The following IL1RAPL1 variants were observed in gnomAD, a reference collection of about 807,000 sequenced individuals.
The protein encoded by IL1RAPL1 is interleukin 1 receptor accessory protein like 1.
In IL1RAPL1, 3 loss-of-function variants were observed where a neutral mutation model predicts 48.4. That is an observed-to-expected ratio of 0.06 (90% confidence interval 0.03 to 0.16). The LOEUF (loss-of-function observed/expected upper bound fraction) is 0.16, where lower values mean the gene tolerates loss of function less well. Among genes scored for constraint, IL1RAPL1 ranks in the 10% least tolerant of loss-of-function variants. IL1RAPL1 has a pLI of 1.00. For missense variants in IL1RAPL1, 349 were observed against 530.6 expected, an observed-to-expected ratio of 0.66 and a Z score of 3.36; for synonymous variants, 185 against 187.7, an observed-to-expected ratio of 0.99 and a Z score of 0.12.
chrX:28,709,304 G>A (rs1249069434), intron 1 of IL1RAPL1, among the ~76,000 whole-genome samples: 2 of 112,135 alleles, frequency 1.8e-5, no homozygotes, highest in Non-Finnish European at 3.8e-5. Context: ...ATATAATTCA[G>A]TCAATCATCA....
chrX:29,524,903 T>C (rs1481305768), intron 5 of IL1RAPL1, among the ~76,000 whole-genome samples: 1 of 112,329 alleles, frequency 8.9e-6, no homozygotes, highest in Non-Finnish European at 1.9e-5. Flanking sequence ...CAGCTTTGTG[T>C]ACCTTTATAG....
rs781737048 is a variant in IL1RAPL1 at position 29,434,471 on chromosome X, G to A, written c.703+35163G>A. ...TTAGGCTCATTCCAAATATTTTAAC[G>A]TGCTGGTCATGTGAAGTAATACTTC... On this transcript the variant is annotated intron_variant, in intron 5 of 10. Transcript: ENST00000378993. Among the ~76,000 whole-genome samples the A allele has an allele frequency of 7.2e-5, 8 of 110,690 alleles. No homozygotes were observed. The South Asian group carries it at 1.5e-3, about 20-fold the overall frequency.
At chrX:29,276,228 AC>A (rs1409814940) in intron 2 of IL1RAPL1, among the ~76,000 whole-genome samples, 1 of 112,159 alleles carries the variant, frequency 8.9e-6, no homozygotes, top group Non-Finnish European at 1.9e-5. Flanking sequence ...AGCTGGCAAT[AC>A]TTTTTGACCT....
intron 5 of IL1RAPL1, among the ~76,000 whole-genome samples, chrX:29,584,227 C>G (rs762612576): frequency 3.6e-5 from 4 of 111,434 alleles, no homozygotes; most frequent in African/African-American, 1.3e-4. Context: ...TTTCCAAAAG[C>G]CTGCTAAAGG....
intron 6 of IL1RAPL1, among the ~76,000 whole-genome samples, chrX:29,690,187 T>C (rs952527825): frequency 6.3e-5 from 7 of 111,691 alleles, no homozygotes; most frequent in African/African-American, 2.0e-4. Flanking sequence ...AGAAAAAGAA[T>C]GTTGTAAAGA....
intron 2 of IL1RAPL1, among the ~76,000 whole-genome samples, chrX:28,877,861 G>A (rs1318034828): frequency 8.9e-6 from 1 of 111,993 alleles, no homozygotes; most frequent in African/African-American, 3.2e-5. Flanking sequence ...TCATTCTGAT[G>A]TCCATAGTTC....
intron 2 of IL1RAPL1, among the ~76,000 whole-genome samples, chrX:29,254,828 A>G (rs956080324): frequency 8.9e-6 from 1 of 112,079 alleles, no homozygotes; most frequent in Non-Finnish European, 1.9e-5. Flanking sequence ...TCTGAGGAGA[A>G]AGCCTGAAAC....
chrX:29,687,053 C>A (rs1926646555), intron 6 of IL1RAPL1, among the ~76,000 whole-genome samples: 1 of 109,814 alleles, frequency 9.1e-6, no homozygotes, highest in South Asian at 3.9e-4. Flanking sequence ...CTGCTGGTGG[C>A]AATGTAAATT....
chrX:29,714,154 C>T (rs894119666), intron 6 of IL1RAPL1, among the ~76,000 whole-genome samples: 2 of 111,890 alleles, frequency 1.8e-5, no homozygotes, highest in African/African-American at 6.5e-5. Context: ...ATAGGGACTC[C>T]ATTAAGGACA....
chrX:29,876,067 C>A (rs1205950884), intron 6 of IL1RAPL1, among the ~76,000 whole-genome samples: 1 of 110,888 alleles, frequency 9.0e-6, no homozygotes, highest in Non-Finnish European at 1.9e-5. Flanking sequence ...TATTAGTTAC[C>A]TTTCTTGTTT....
intron 3 of IL1RAPL1, among the ~76,000 whole-genome samples, chrX:29,352,180 C>T (rs1933239272): frequency 9.0e-6 from 1 of 111,571 alleles, no homozygotes; most frequent in African/African-American, 3.3e-5. Context: ...TTCATAGTTT[C>T]ACCACAGAGA....
At chrX:29,241,876 A>G (rs1343762738) in intron 2 of IL1RAPL1, among the ~76,000 whole-genome samples, 1 of 111,688 alleles carries the variant, frequency 9.0e-6, no homozygotes, top group Admixed American at 9.5e-5. Context: ...CTGAAACTGC[A>G]CTCCCAGGGG....
chrX:29,685,995 AAG>A (rs1462921427), intron 6 of IL1RAPL1, among the ~76,000 whole-genome samples: 8 of 111,307 alleles, frequency 7.2e-5, no homozygotes, highest in Non-Finnish European at 1.5e-4. Context: ...AAAAAAAAAA[AAG>A]AAAGAAAGAA....
intron 5 of IL1RAPL1, among the ~76,000 whole-genome samples, chrX:29,505,860 A>C (rs1372256719): frequency 9.0e-6 from 1 of 111,637 alleles, no homozygotes; most frequent in African/African-American, 3.3e-5. Context: ...CTTGAACACA[A>C]ATAGTTTTTA....
intron 6 of IL1RAPL1, among the ~76,000 whole-genome samples, chrX:29,701,319 T>C (rs1927041062): frequency 8.9e-6 from 1 of 111,935 alleles, no homozygotes; most frequent in South Asian, 3.7e-4. Flanking sequence ...ATTTAACTTA[T>C]GGGATTGTTG....
rs1164022639 is a variant in IL1RAPL1, at chrX:28,720,643, C to A, written c.-24-68677C>A. On this transcript the variant is annotated intron_variant, in intron 1 of 10. Transcript: ENST00000378993. ...TACTTTAAGTTCTAGGGTACATATG[C>A]ACAACGTGCAGGTTTGTTACATATG... Among the ~76,000 whole-genome samples, 3 of 111,698 alleles carry A rather than the reference C, an allele frequency of 2.7e-5. No homozygotes were observed. In the East Asian group the frequency reaches 8.4e-4, roughly 31 times the overall value.
At chrX:28,877,398 T>A (rs918894353) in intron 2 of IL1RAPL1, among the ~76,000 whole-genome samples, 2 of 112,475 alleles carry the variant, frequency 1.8e-5, no homozygotes, top group African/African-American at 6.5e-5. Context: ...GTTAAATAAT[T>A]CATAGATTAT....
intron 3 of IL1RAPL1, among the ~76,000 whole-genome samples, chrX:29,376,174 A>G (rs950780729): frequency 9.0e-6 from 1 of 110,996 alleles, no homozygotes; most frequent in African/African-American, 3.3e-5. Flanking sequence ...TTAATTTGAG[A>G]TCTTTCTAAC....
chrX:29,113,547 A>G (rs963426177), intron 2 of IL1RAPL1, among the ~76,000 whole-genome samples: 3 of 112,003 alleles, frequency 2.7e-5, no homozygotes, highest in African/African-American at 6.5e-5. Flanking sequence ...GTTTACTTAC[A>G]TGGTCTGAAA....
Sources: gnomAD v4.1 joint callset for allele counts (sites outside exome capture counted in the v4.1 genomes callset) on GRCh38, gnomAD v4.1.1 for gene constraint, MANE v1.5 for transcripts, NCBI Gene and HGNC (gene_info 2026-07-23, HGNC 2026-07-21) for gene names.